Variants in TAF4B observed in about 807,000 individuals in gnomAD.
TAF4B encodes the protein transcription initiation factor TFIID subunit 4B.
A neutral mutation model predicts 86.4 loss-of-function variants in TAF4B; 38 were observed. The ratio of observed to expected loss-of-function variants is 0.44; its 90% CI spans 0.34 to 0.58. The LOEUF (loss-of-function observed/expected upper bound fraction) is 0.58, where lower values mean the gene tolerates loss of function less well. TAF4B is among the 20% of genes least tolerant of loss of function. The pLI, the probability that TAF4B is intolerant of heterozygous loss-of-function variation, is 0.02. For synonymous variants in TAF4B, 388 were observed against 391.2 expected (o/e 0.99, Z 0.10); for missense variants, 988 against 1,027.6 (o/e 0.96, Z 0.53).
chr18:26,298,044 C>G (rs1359226909), intron 9 of TAF4B, among the ~76,000 whole-genome samples: 4 of 104,468 alleles, frequency 3.8e-5, no homozygotes. Flanking sequence ...CCCCGCCCCC[C>G]ACCCCTCCAA....
At chr18:26,371,705 T>C (rs1175998595) in intron 14 of TAF4B, among the ~76,000 whole-genome samples, 1 of 152,202 alleles carries the variant, frequency 6.6e-6, no homozygotes, top group African/African-American at 2.4e-5. Flanking sequence ...ATATAAGCTC[T>C]AGGTCTGGTG....
At chr18:26,329,925 C>A (rs144354549) in intron 12 of TAF4B, among the ~76,000 whole-genome samples, 1 of 152,142 alleles carries the variant, frequency 6.6e-6, no homozygotes, top group African/African-American at 2.4e-5. Context: ...CCACCTCAGC[C>A]CCCCAAGTAG....
chr18:26,386,655 A>G (rs1978391125), intron 14 of TAF4B, among the ~76,000 whole-genome samples: 1 of 152,200 alleles, frequency 6.6e-6, no homozygotes. Flanking sequence ...AAATTGAATC[A>G]TACAGTATGA....
intron 13 of TAF4B, among the ~76,000 whole-genome samples, chr18:26,350,767 A>G (rs1430235134): frequency 2.6e-5 from 4 of 152,220 alleles, no homozygotes; most frequent in Non-Finnish European, 5.9e-5. Context: ...CAGGTATGGG[A>G]AGAAATGTTC....
intron 5 of TAF4B, among the ~76,000 whole-genome samples, chr18:26,279,545 C>CAAAAAAAA (rs375937630): frequency 8.8e-6 from 1 of 113,536 alleles, no homozygotes. Flanking sequence ...CAATTAGAAG[C>CAAAAAAAA]AAAAAAAAAA....
intron 1 of TAF4B, among the ~76,000 whole-genome samples, chr18:26,249,965 C>G (rs1460307926): frequency 1.3e-5 from 2 of 152,142 alleles, no homozygotes; most frequent in Non-Finnish European, 2.9e-5. Context: ...TTATGTGATC[C>G]ACCTGCCTTG....
At chr18:26,257,478 T>C (rs1429771827) in intron 1 of TAF4B, among the ~76,000 whole-genome samples, 1 of 152,208 alleles carries the variant, frequency 6.6e-6, no homozygotes, top group Non-Finnish European at 1.5e-5. Flanking sequence ...GAATTTTGTT[T>C]TTTATCCAAC....
At position 26,327,135 on chromosome 18, in the gene TAF4B, G is replaced by A. The variant is rs1222353562; in HGVS notation, c.2254G>A (p.Ala752Thr). 1 of 1,611,242 alleles carries A rather than the reference G, an allele frequency of 6.2e-7. No individual in the cohort carries two copies. Reference sequence around the variant, plus strand: ...AGAAAGAGAAATGTTACTTAAGGCAGCCAAGGTAAGGGCCAGTGTGATTTA... The same window carrying A: ...AGAAAGAGAAATGTTACTTAAGGCAACCAAGGTAAGGGCCAGTGTGATTTA... ...LEEREMLLKA[A>T]KSRSNKEDPE... is the part of the protein sequence containing the mutation. The change falls in exon 12 of 15, where the codon GCC becomes ACC. Residue 752 changes from alanine to threonine, a missense_variant. Transcript: ENST00000269142.
chr18:26,350,662 T>C (rs1041893104), intron 13 of TAF4B, among the ~76,000 whole-genome samples: 1 of 151,900 alleles, frequency 6.6e-6, no homozygotes, highest in Non-Finnish European at 1.5e-5. Context: ...GGTAATAGAG[T>C]GAGACCCTGT....
intron 7 of TAF4B, among the ~76,000 whole-genome samples, chr18:26,287,450 G>A (rs1189235561): frequency 6.6e-6 from 1 of 152,142 alleles, no homozygotes; most frequent in Non-Finnish European, 1.5e-5. Context: ...GGAGGTTCTT[G>A]GGTGAAAGAA....
At chr18:26,292,128 G>T in intron 7 of TAF4B, 118 bp from the exon 8 acceptor site, 5 of 1,141,114 alleles carry the variant, frequency 4.4e-6, no homozygotes, top group Non-Finnish European at 4.7e-6. Context: ...AGGCATTCTT[G>T]TTAAGATAAA....
At chr18:26,301,746 T>A (rs535782433) in intron 9 of TAF4B, among the ~76,000 whole-genome samples, 4 of 152,340 alleles carry the variant, frequency 2.6e-5, no homozygotes, top group African/African-American at 7.2e-5. Context: ...GGTAAATGCC[T>A]CACTTATTAA....
At chr18:26,280,789 C>T (rs1341494578) in intron 5 of TAF4B, among the ~76,000 whole-genome samples, 1 of 152,048 alleles carries the variant, frequency 6.6e-6, no homozygotes, top group African/African-American at 2.4e-5. Flanking sequence ...CCCAGCAGTG[C>T]CATTACTGGG....
intron 11 of TAF4B, among the ~76,000 whole-genome samples, chr18:26,325,018 T>TC (rs887269222): frequency 3.9e-5 from 6 of 152,160 alleles, no homozygotes; most frequent in African/African-American, 7.2e-5. Flanking sequence ...AAAAGTGAAA[T>TC]CCCCCCATCT....
chr18:26,368,919 G>A (rs1344575137), intron 14 of TAF4B, among the ~76,000 whole-genome samples: 1 of 151,986 alleles, frequency 6.6e-6, no homozygotes, highest in Non-Finnish European at 1.5e-5. Flanking sequence ...TTTTTCACAA[G>A]TCCCACATAG....
intron 12 of TAF4B, among the ~76,000 whole-genome samples, chr18:26,329,475 A>T (rs777379550): frequency 2.6e-5 from 4 of 152,204 alleles, no homozygotes; most frequent in Non-Finnish European, 5.9e-5. Flanking sequence ...ATTTCACTAG[A>T]TGGCTTAACC....
At chr18:26,308,011 G>T (rs1281963779) in intron 9 of TAF4B, among the ~76,000 whole-genome samples, 1 of 152,176 alleles carries the variant, frequency 6.6e-6, no homozygotes, top group Non-Finnish European at 1.5e-5. Flanking sequence ...GGGAGGCTGA[G>T]GCAGGGAGAA....
intron 1 of TAF4B, among the ~76,000 whole-genome samples, chr18:26,229,497 T>TC (rs199898029): frequency 1.5e-5 from 2 of 131,918 alleles, no homozygotes; most frequent in Non-Finnish European, 3.0e-5. Context: ...TTTCTTTCTT[T>TC]TTTTTTTTTT....
At position 26,226,844 on chromosome 18, in the gene TAF4B, C is replaced by A; in HGVS notation, c.-90C>A. Reference sequence around the variant, plus strand: ...CCCCAGCGATGCTGTGGAACCCGAACCGCACCGGAGTCGGCTGCCGCGCGC... The same window carrying A: ...CCCCAGCGATGCTGTGGAACCCGAAACGCACCGGAGTCGGCTGCCGCGCGC... On this transcript the variant is annotated 5_prime_UTR_variant, in exon 1 of 15. Transcript: ENST00000269142. 1 of 1,102,720 alleles carries A rather than the reference C, an allele frequency of 9.1e-7. No homozygotes were observed. The highest frequency in any genetic ancestry group is 1.2e-6 in the Non-Finnish European group (1 of 843,954). 68.3% of individuals were successfully genotyped at this position (1,102,720 alleles called of 1,614,324 possible).
Sources: gnomAD v4.1 joint callset for allele counts (sites outside exome capture counted in the v4.1 genomes callset) on GRCh38, gnomAD v4.1.1 for gene constraint, MANE v1.5 for transcripts, NCBI Gene and HGNC (gene_info 2026-07-23, HGNC 2026-07-21) for gene names.